The following SERPINF2 variants were observed in gnomAD, a reference collection of about 807,000 sequenced individuals.
SERPINF2 encodes alpha-2-antiplasmin.
SERPINF2 carries 15 observed loss-of-function variants against 45.0 expected under a neutral mutation model. That is an observed-to-expected ratio of 0.33 (90% confidence interval 0.22 to 0.51). The LOEUF (loss-of-function observed/expected upper bound fraction) is 0.51, where lower values mean the gene tolerates loss of function less well. Among genes scored for constraint, SERPINF2 ranks in the 20% least tolerant of loss-of-function variants. The pLI, the probability that SERPINF2 is intolerant of heterozygous loss-of-function variation, is 0.97. For synonymous variants in SERPINF2, 283 were observed against 277.9 expected (o/e 1.02, Z -0.18); for missense variants, 518 against 637.4 (o/e 0.81, Z 2.02).
chr17:1,745,054 C>T lies in SERPINF2; in HGVS notation c.59C>T (p.Ser20Phe), dbSNP rs565475587. The T allele has an allele frequency of 6.2e-7, 1 of 1,613,206 alleles. No homozygotes were observed. Among genetic ancestry groups the T allele is most frequent in the African/African-American group, 1.3e-5 (1 of 74,982 alleles). Reference protein sequence around the residue: ...LSWSCLQGPCSVFSPVSAMEP... With the variant: ...LSWSCLQGPCFVFSPVSAMEP... The stretch of plus-strand genomic sequence containing the variant: ...TGGTCCTGCCTGCAAGGCCCCTGCT[C>T]CGTGGTGAGGCTGGGCTGAAGTCAA... The change falls in exon 2 of 10, where the codon TCC (serine) becomes TTC (phenylalanine). Residue 20 changes from serine (S) to phenylalanine (F), a missense_variant. Physicochemically the swap from Ser to Phe is radical, Grantham distance 155 (BLOSUM62 -2). Coordinates refer to ENST00000453066, the MANE Select transcript of SERPINF2 (RefSeq NM_000934.4). This position sits in a 1 kb window ranked among gnomAD's most constrained non-coding sequence, Gnocchi z 6.2.
rs1905739632 is a variant in SERPINF2, at chr17:1,745,562, G to A, written c.166-146G>A. On this transcript the variant is annotated intron_variant, in intron 4 of 9. Transcript: ENST00000453066. This position sits in a 1 kb window ranked among gnomAD's most constrained non-coding sequence, Gnocchi z 6.2. Reference sequence around the variant, plus strand: ...GAAGGTGGGCGCCAGGCCCCAGAATGCCAGTGCCCTCCGTCTGACGCTCCC... The same window carrying A: ...GAAGGTGGGCGCCAGGCCCCAGAATACCAGTGCCCTCCGTCTGACGCTCCC... 1.7e-6 allele frequency: 2 copies of A among 1,159,932 alleles called. No individual in the cohort carries two copies. Among genetic ancestry groups the A allele is most frequent in the South Asian group, 2.6e-5 (2 of 76,922 alleles). 71.9% of individuals were successfully genotyped at this position (1,159,932 alleles called of 1,614,324 possible).
rs765946541 is a variant in SERPINF2, at chr17:1,745,806, C to T, written c.264C>T (p.Ala88=). The change falls in exon 5 of 10, where the codon GCC becomes GCT. Residue 88 remains alanine (A), a synonymous_variant. Coordinates refer to ENST00000453066, the MANE Select transcript of SERPINF2 (RefSeq NM_000934.4). The surrounding 1 kb of genome is among the most constrained non-coding windows in gnomAD (Gnocchi z 6.2). ...QTHRLARAMM[A]FTADLFSLVA... ...ACAGGCTGGCCCGGGCCATGATGGC[C>T]TTCACTGCCGACCTGTTCTCCCTGG... 6 of 1,613,970 alleles carry T rather than the reference C, an allele frequency of 3.7e-6. No homozygotes were observed. The highest frequency in any genetic ancestry group is 1.7e-5 in the Admixed American group (1 of 60,014).
chr17:1,750,659 C>T (rs1399406417), intron 8 of SERPINF2, among the ~76,000 whole-genome samples: 1 of 152,166 alleles, frequency 6.6e-6, no homozygotes, highest in Admixed American at 6.5e-5. Flanking sequence ...AATGTGGTCC[C>T]CTTGGCCTGG....
Position 1,754,237 on chromosome 17 carries a change from G to C in SERPINF2, c.1179G>C (p.Ala393=), listed in dbSNP as rs144819627. 2.0e-5 allele frequency: 32 copies of C among 1,613,908 alleles called. 1 individual carries two copies. In the South Asian group the frequency reaches 3.5e-4, roughly 18 times the overall value. ...AGCTCAGCGAGGTCGGCGTGGAGGC[G>C]GCGGCGGCCACCAGCATTGCCATGT... is the stretch of plus-strand genomic sequence containing the variant. ...TLELSEVGVE[A]AAATSIAMSR... Residue 393 remains alanine (A), a synonymous_variant, in exon 10 of 10, where the codon GCG becomes GCC. Coordinates refer to ENST00000453066, the MANE Select transcript of SERPINF2 (RefSeq NM_000934.4).
In SERPINF2 at chr17:1,754,431, A is replaced by T; in HGVS notation, c.1373A>T (p.Gln458Leu). 1.2e-6 allele frequency: 2 copies of T among 1,612,082 alleles called. No homozygotes were observed. The highest frequency in any genetic ancestry group is 1.7e-6 in the Non-Finnish European group (2 of 1,178,488). ...QDSPGNKDFL[Q>L]SLKGFPRGDK... Reference sequence around the variant, plus strand: ...TCCCCGGGCAACAAGGACTTCCTCCAGAGCCTGAAAGGCTTCCCCCGCGGA... The same window carrying T: ...TCCCCGGGCAACAAGGACTTCCTCCTGAGCCTGAAAGGCTTCCCCCGCGGA... Residue 458 changes from glutamine (Q) to leucine (L), a missense_variant, in exon 10 of 10, where the codon CAG becomes CTG. By Grantham distance (113) the Gln-to-Leu change is moderately radical. Coordinates refer to ENST00000453066, the MANE Select transcript of SERPINF2 (RefSeq NM_000934.4).
intron 6 of SERPINF2, 45 bp downstream of exon 6, chr17:1,747,207 G>A (rs752804269): frequency 6.2e-5 from 100 of 1,610,890 alleles, no homozygotes; most frequent in Non-Finnish European, 8.1e-5. Flanking sequence ...GCCCTGGGTG[G>A]AGGAGGGTGA....
intron 1 of SERPINF2, chr17:1,744,610 A>C (rs1025744248): frequency 4.1e-5 from 40 of 985,322 alleles, no homozygotes; most frequent in Non-Finnish European, 4.5e-5. Flanking sequence ...AGCCTGGTGG[A>C]GTTACGGGAA....
chr17:1,743,529 A>G (rs950284887), intron 1 of SERPINF2, among the ~76,000 whole-genome samples: 1 of 151,530 alleles, frequency 6.6e-6, no homozygotes, highest in African/African-American at 2.4e-5. Context: ...CAGCCTGACC[A>G]ACATGGAGAA....
In SERPINF2 at chr17:1,745,900, C is replaced by T. The variant is rs762232720; in HGVS notation, c.358C>T (p.Leu120=). 6.2e-7 allele frequency: 1 copy of T among 1,613,942 alleles called. No homozygotes were observed. Among genetic ancestry groups the T allele is most frequent in the Non-Finnish European group, 8.5e-7 (1 of 1,179,982 alleles). The change falls in exon 5 of 10, where the codon CTG becomes TTG. Residue 120 remains leucine, a synonymous_variant. Coordinates refer to ENST00000453066, the MANE Select transcript of SERPINF2 (RefSeq NM_000934.4). This position sits in a 1 kb window ranked among gnomAD's most constrained non-coding sequence, Gnocchi z 6.2. ...PLSVALALSH[L]ALGAQNHTLQ... ...GAGTGTGGCCCTGGCGCTGTCTCAC[C>T]TGGCACTAGGTACCCTGGCACCACT...
At chr17:1,750,838 G>T (rs1242082477) in intron 8 of SERPINF2, among the ~76,000 whole-genome samples, 1 of 152,124 alleles carries the variant, frequency 6.6e-6, no homozygotes, top group Non-Finnish European at 1.5e-5. Context: ...AACGCGTCCT[G>T]GCTTCCCTGC....
intron 7 of SERPINF2, 26 bp downstream of exon 7, chr17:1,747,538 C>G (rs768384244): frequency 3.7e-6 from 6 of 1,609,274 alleles, no homozygotes; most frequent in Non-Finnish European, 5.1e-6. Context: ...TCTCAGATCC[C>G]CCACCCTGTA....
At chr17:1,744,580 C>A (rs749311292) in intron 1 of SERPINF2, 4 of 985,256 alleles carry the variant, frequency 4.1e-6, no homozygotes, top group Admixed American at 6.2e-5. Context: ...CTTGTGCCAC[C>A]GTTTTACAAG....
chr17:1,744,755 A>G (rs1380832043), intron 1 of SERPINF2: 28 of 985,314 alleles, frequency 2.8e-5, no homozygotes, highest in African/African-American at 3.5e-5. Context: ...AGTGCATGAA[A>G]TGCATGAAAT....
chr17:1,754,838 C>G lies in SERPINF2; in HGVS notation c.*304C>G. ...TCTGCCAGGAGACAGGTTAGCTGCTCCCCACGTCAGCTGGGACACCCCGAC... is the reference window on the plus strand; with the variant it reads ...TCTGCCAGGAGACAGGTTAGCTGCTGCCCACGTCAGCTGGGACACCCCGAC... On this transcript the variant is annotated 3_prime_UTR_variant, in exon 10 of 10. Transcript: ENST00000453066. 4.3e-6 allele frequency: 2 copies of G among 465,494 alleles called. No homozygotes were observed. Among genetic ancestry groups the G allele is most frequent in the South Asian group, 8.6e-5 (2 of 23,368 alleles). 28.8% of individuals were successfully genotyped at this position (465,494 alleles called of 1,614,324 possible). A position where few individuals can be genotyped will look rare whatever the true frequency, so the allele number is the denominator to read the frequency against.
In SERPINF2 at chr17:1,745,347, G is replaced by A. The variant is rs139885061; in HGVS notation, c.117G>A (p.Pro39=). 100 of 1,612,864 alleles carry A rather than the reference G, an allele frequency of 6.2e-5. No homozygotes were observed. Among genetic ancestry groups the A allele is most frequent in the African/African-American group, 4.0e-4 (30 of 74,804 alleles). The part of the protein sequence containing the change: ...EPLGRQLTSG[P]NQEQVSPLTL... ...CCTTTCCGCAGCTAACTAGCGGGCC[G>A]AACCAGGAGCAGGTGTCCCCACTTA... Residue 39 remains proline (P), a synonymous_variant, in exon 4 of 10, where the codon CCG becomes CCA. Coordinates refer to ENST00000453066, the MANE Select transcript of SERPINF2 (RefSeq NM_000934.4). The surrounding 1 kb of genome is among the most constrained non-coding windows in gnomAD (Gnocchi z 6.2).
In SERPINF2 at chr17:1,745,180, C is replaced by A. The variant is rs1056029442; in HGVS notation, c.69C>A (p.Ser23=). ...SCLQGPCSVF[S]PVSAMEPLGR... Reference sequence around the variant, plus strand: ...CCTCATCCCTTTCTCCACAGTTCTCCCCTGTGAGCGCCATGGAGCCCTTGG... The same window carrying A: ...CCTCATCCCTTTCTCCACAGTTCTCACCTGTGAGCGCCATGGAGCCCTTGG... The change falls in exon 3 of 10, where the codon TCC becomes TCA. Residue 23 remains serine (S), a synonymous_variant. Coordinates refer to ENST00000453066, the MANE Select transcript of SERPINF2 (RefSeq NM_000934.4). The surrounding 1 kb of genome is among the most constrained non-coding windows in gnomAD (Gnocchi z 6.2). 1 of 1,570,278 alleles carries A rather than the reference C, an allele frequency of 6.4e-7. No homozygotes were observed. Among genetic ancestry groups the A allele is most frequent in the East Asian group, 2.4e-5 (1 of 42,202 alleles).
At chr17:1,743,715 CA>C (rs61163841) in intron 1 of SERPINF2, among the ~76,000 whole-genome samples, 1,558 of 33,768 alleles carry the variant, frequency 0.046, 12 homozygotes, top group African/African-American at 0.09. Context: ...AACTCCATCT[CA>C]AAAAAAAAAA....
chr17:1,748,759 G>A lies in SERPINF2; in HGVS notation c.858+19G>A, dbSNP rs752574444. On this transcript the variant is annotated intron_variant, in intron 8 of 9. Transcript: ENST00000453066. ...GATCCAGGTCACCCTTGGTTGTCCA[G>A]CAGGCTGGGCCTGAGGCTGGGAGGT... 1.6e-6 allele frequency: 2 copies of A among 1,258,842 alleles called. No homozygotes were observed. Among genetic ancestry groups the A allele is most frequent in the African/African-American group, 1.5e-5 (1 of 68,142 alleles). 78.0% of individuals were successfully genotyped at this position (1,258,842 alleles called of 1,614,324 possible).
Sources: gnomAD v4.1 joint callset for allele counts (sites outside exome capture counted in the v4.1 genomes callset) on GRCh38, gnomAD v4.1.1 for gene constraint, Gnocchi (gnomAD v3.1) non-coding constraint, MANE v1.5 for transcripts, NCBI Gene and HGNC (gene_info 2026-07-23, HGNC 2026-07-21) for gene names.